Variants in NIBAN1 observed in about 807,000 individuals in gnomAD.
NIBAN1 encodes the protein niban apoptosis regulator 1, also known as protein Niban 1.
In NIBAN1, 81 loss-of-function variants were observed where a neutral mutation model predicts 75.1. That is an observed-to-expected ratio of 1.08 (90% CI 0.90 to 1.30). The LOEUF is 1.30. NIBAN1 is among the 50% of genes most tolerant of loss of function. The pLI is 0.00. For missense variants in NIBAN1, 1,133 were observed against 1,128.1 expected, an observed-to-expected ratio of 1.00 and a Z score of -0.06; for synonymous variants, 436 against 424.8, an observed-to-expected ratio of 1.03 and a Z score of -0.32.
At chr1:184,937,135 T>C (rs1425131188) in intron 1 of NIBAN1, among the ~76,000 whole-genome samples, 1 of 147,928 alleles carries the variant, frequency 6.8e-6, no homozygotes, top group Non-Finnish European at 1.5e-5. Flanking sequence ...CTTCTGTTAA[T>C]AGCTGGATTC....
In NIBAN1 at chr1:184,896,461, T is replaced by C. The variant is rs149011129; in HGVS notation, c.187-2255A>G. Among the ~76,000 whole-genome samples, 46 of 152,286 alleles carry C rather than the reference T, an allele frequency of 3.0e-4. 1 individual carries two copies. In the East Asian group the frequency reaches 8.9e-3, roughly 29 times the overall value. On this transcript the variant is annotated intron_variant, in intron 2 of 13. Transcript: ENST00000367511. ...GGATATTAGTCCTTTGTTAGGGGCA[T>C]AATTTGCAAATATTTCTCCCATTTT...
At chr1:184,878,573 G>A (rs1656292708) in intron 5 of NIBAN1, among the ~76,000 whole-genome samples, 2 of 152,150 alleles carry the variant, frequency 1.3e-5, no homozygotes, top group South Asian at 4.1e-4. Context: ...GTTAAACACA[G>A]ATCATACAAT....
Position 184,831,946 on chromosome 1 carries a change from C to T in NIBAN1, c.618G>A (p.Met206Ile). The T allele has an allele frequency of 6.2e-7, 1 of 1,613,418 alleles. No homozygotes were observed. The highest frequency in any genetic ancestry group is 8.5e-7 in the Non-Finnish European group (1 of 1,179,398). The part of the protein sequence containing the change: ...RHLNHDYMKQ[M>I]TFEAQAFLEA... ...CTAAAAAGGCTTGGGCTTCAAATGT[C>T]ATCTGCTTCATGTAATCTAAAGAAA... is the stretch of plus-strand genomic sequence containing the variant. Residue 206 changes from methionine to isoleucine, a missense_variant, in exon 6 of 14, where the codon ATG becomes ATA. Physicochemically the swap from Met to Ile is conservative, Grantham distance 10 (BLOSUM62 1). Transcript: ENST00000367511.
At chr1:184,919,746 G>A (rs886780430) in intron 1 of NIBAN1, among the ~76,000 whole-genome samples, 3 of 151,958 alleles carry the variant, frequency 2.0e-5, no homozygotes, top group African/African-American at 4.8e-5. Context: ...AACTCCCAAG[G>A]GGGAAATTCT....
chr1:184,814,617 G>A (rs546950420), intron 9 of NIBAN1, among the ~76,000 whole-genome samples: 34 of 152,062 alleles, frequency 2.2e-4, no homozygotes, highest in Admixed American at 2.2e-3. Context: ...CATCATTTTG[G>A]CTAAATGAAT....
At chr1:184,937,266 A>G (rs762063695) in intron 1 of NIBAN1, among the ~76,000 whole-genome samples, 11 of 150,636 alleles carry the variant, frequency 7.3e-5, no homozygotes, top group Non-Finnish European at 1.3e-4. Flanking sequence ...GGGTTCAAGC[A>G]ATGCTCCTGC....
At position 184,795,375 on chromosome 1, in the gene NIBAN1, G is replaced by A; in HGVS notation, c.2389C>T (p.Pro797Ser). The A allele has an allele frequency of 6.2e-7, 1 of 1,605,732 alleles. No individual in the cohort carries two copies. Among genetic ancestry groups the A allele is most frequent in the Middle Eastern group, 1.7e-4 (1 of 6,004 alleles). Reference sequence around the variant, plus strand: ...TCGGTGAGCCCTCCACTGGCTGGCGGAGAGGCTGGGCTGCCTACCTCTGGA... The same window carrying A: ...TCGGTGAGCCCTCCACTGGCTGGCGAAGAGGCTGGGCTGCCTACCTCTGGA... Reference protein sequence around the residue: ...GFPEVGSPASPPASGGLTEEP... With the variant: ...GFPEVGSPASSPASGGLTEEP... Residue 797 changes from proline (P) to serine (S), a missense_variant, in exon 14 of 14, where the codon CCG becomes TCG. By Grantham distance (74) the Pro-to-Ser change is moderately conservative (BLOSUM62 -1). Transcript: ENST00000367511.
At chr1:184,906,886 T>C (rs1394123591) in intron 1 of NIBAN1, among the ~76,000 whole-genome samples, 1 of 152,202 alleles carries the variant, frequency 6.6e-6, no homozygotes, top group Non-Finnish European at 1.5e-5. Flanking sequence ...CTAAAACCAG[T>C]TCCCAGTCCT....
chr1:184,936,534 C>CA (rs1219887823), intron 1 of NIBAN1, among the ~76,000 whole-genome samples: 2 of 152,192 alleles, frequency 1.3e-5, no homozygotes, highest in African/African-American at 4.8e-5. Flanking sequence ...AAGTCAGTAT[C>CA]ACTGGGATGA....
At chr1:184,894,022 G>C in intron 3 of NIBAN1, 53 bp downstream of exon 3, 1 of 1,521,212 alleles carries the variant, frequency 6.6e-7, no homozygotes, top group Non-Finnish European at 8.8e-7. Flanking sequence ...AATCAACCGA[G>C]CCAAACTTTT....
chr1:184,905,074 G>T (rs1046965554), intron 1 of NIBAN1, among the ~76,000 whole-genome samples: 3 of 152,140 alleles, frequency 2.0e-5, no homozygotes, highest in African/African-American at 7.2e-5. Flanking sequence ...GAGGGGGAGT[G>T]CCAGGGCTGA....
intron 6 of NIBAN1, among the ~76,000 whole-genome samples, chr1:184,830,211 A>G (rs901167695): frequency 5.9e-5 from 9 of 152,256 alleles, no homozygotes; most frequent in African/African-American, 1.9e-4. Context: ...GACAAACACC[A>G]TTAGGTTTCG....
chr1:184,890,252 A>C, intron 3 of NIBAN1, 30 bp from the exon 4 acceptor site: 1 of 1,526,450 alleles, frequency 6.6e-7, no homozygotes, highest in South Asian at 1.1e-5. Flanking sequence ...CAGGAATGAT[A>C]TCTTTTTCCC....
At position 184,824,232 on chromosome 1, in the gene NIBAN1, C is replaced by T. The variant is rs1571494479; in HGVS notation, c.718-490G>A. On this transcript the variant is annotated intron_variant, in intron 6 of 13. Coordinates refer to ENST00000367511, the MANE Select transcript of NIBAN1 (RefSeq NM_052966.4). ...CTCCATGCTCTTCGTCCCCACTGTC[C>T]CCCAAGCCCCATTGTCATCCTCTTT... 2.0e-5 allele frequency among the ~76,000 whole-genome samples: 3 copies of T among 152,118 alleles called. No homozygotes were observed. The South Asian group carries it at 6.2e-4, about 32-fold the overall frequency.
intron 3 of NIBAN1, among the ~76,000 whole-genome samples, chr1:184,890,610 A>C (rs1048708200): frequency 5.3e-5 from 8 of 152,220 alleles, no homozygotes; most frequent in Admixed American, 4.6e-4. Context: ...TACTGCACAG[A>C]ATGCTTGGTG....
chr1:184,811,585 G>T (rs1306918916), intron 9 of NIBAN1, among the ~76,000 whole-genome samples: 1 of 149,984 alleles, frequency 6.7e-6, no homozygotes, highest in African/African-American at 2.5e-5. Context: ...CTCACTGAAA[G>T]TTCCACCTCC....
At chr1:184,834,809 G>C (rs1571504269) in intron 5 of NIBAN1, among the ~76,000 whole-genome samples, 1 of 152,122 alleles carries the variant, frequency 6.6e-6, no homozygotes, top group African/African-American at 2.4e-5. Flanking sequence ...TAGGTTGCCT[G>C]TTCACTCTGA....
At chr1:184,821,489 GAT>G (rs1163419880) in intron 8 of NIBAN1, 4 of 152,156 alleles carry the variant, frequency 2.6e-5, no homozygotes, top group Non-Finnish European at 5.9e-5. Flanking sequence ...CTGTAACACT[GAT>G]ATTCCATTTT....
At chr1:184,933,386 T>C (rs1657875318) in intron 1 of NIBAN1, among the ~76,000 whole-genome samples, 1 of 152,254 alleles carries the variant, frequency 6.6e-6, no homozygotes, top group Non-Finnish European at 1.5e-5. Flanking sequence ...TGCTACATTT[T>C]CCGCAAAGCC....
Sources: allele counts gnomAD v4.1 joint callset (sites outside exome capture counted in the v4.1 genomes callset), GRCh38; gene constraint gnomAD v4.1.1; transcripts MANE v1.5; gene names NCBI Gene and HGNC (gene_info 2026-07-23, HGNC 2026-07-21).